MGAM: variants seen among roughly 807,000 people sequenced by gnomAD.
The protein encoded by MGAM is alpha-1,4-glucosidase.
In MGAM, 253 loss-of-function variants were observed where a neutral mutation model predicts 358.8. The observed-to-expected ratio is 0.71, with a 90% confidence interval of 0.64 to 0.78. The LOEUF (loss-of-function observed/expected upper bound fraction) is 0.78. MGAM is among the 30% of genes least tolerant of loss of function. The pLI is 0.00. For synonymous variants in MGAM, 1,105 were observed against 1,227.1 expected, an observed-to-expected ratio of 0.90 and a Z score of 2.08; for missense variants, 3,080 against 3,432.6, an observed-to-expected ratio of 0.90 and a Z score of 2.57.
At chr7:142,036,801 G>A (rs782265000) in intron 17 of MGAM, 22 bp from the exon 18 acceptor site, 3 of 1,610,126 alleles carry the variant, frequency 1.9e-6, no homozygotes, top group African/African-American at 1.3e-5. Context: ...AACCACAACT[G>A]CAAACTCCTA....
chr7:142,100,948 CT>C lies in MGAM; in HGVS notation c.7963+60del, dbSNP rs553714136. 3.2e-4 allele frequency: 457 copies of C among 1,440,112 alleles called. 1 individual carries two copies. The African/African-American group carries it at 5.9e-3, about 19-fold the overall frequency. The allele number at this position is 1,440,112 out of a possible 1,614,324, so 89.2% of individuals were successfully genotyped here. A position where few individuals can be genotyped will look rare whatever the true frequency, so the allele number is the denominator to read the frequency against. On this transcript the variant is annotated intron_variant, in intron 68 of 70. Coordinates refer to ENST00000475668, the MANE Select transcript of MGAM (RefSeq NM_001365693.1). ...GGCACTGACTACATTCCTGGATTAT[CT>C]TACAGGCCTGCTTTCACCTTTTCCC...
chr7:142,052,912 C>T lies in MGAM; in HGVS notation c.3087C>T (p.Ala1029=), dbSNP rs2129032678. Residue 1029 remains alanine (A), a synonymous_variant, in exon 26 of 71, where the codon GCC becomes GCT. Transcript: ENST00000475668. ...ISLKSSVYAN[A]FPSTPVNPLR... ...TAAAGTCTTCCGTTTATGCCAATGC[C>T]TTCCCCTCCACACCCGTGAACCCCC... 6 of 1,613,906 alleles carry T rather than the reference C, an allele frequency of 3.7e-6. No homozygotes were observed. Among genetic ancestry groups the T allele is most frequent in the Non-Finnish European group, 5.1e-6 (6 of 1,179,860 alleles).
At chr7:142,086,447 T>G in intron 56 of MGAM, 119 bp downstream of exon 56, 3 of 774,336 alleles carry the variant, frequency 3.9e-6, no homozygotes, top group Non-Finnish European at 5.9e-6. Context: ...GGTCAGAAGC[T>G]CTCCTTTTCT....
intron 31 of MGAM, 41 bp downstream of exon 31, chr7:142,058,369 C>G: frequency 6.2e-7 from 1 of 1,611,348 alleles, no homozygotes; most frequent in Admixed American, 1.7e-5. Flanking sequence ...AAAACTAACC[C>G]AGGTGCCTCT....
intron 3 of MGAM, among the ~76,000 whole-genome samples, chr7:142,014,636 C>G (rs1167920153): frequency 6.6e-6 from 1 of 152,088 alleles, no homozygotes; most frequent in Non-Finnish European, 1.5e-5. Context: ...AGTAACCACA[C>G]TTTTGAAATT....
Position 142,082,482 on chromosome 7 carries a change from A to C in MGAM, c.6179A>C (p.Lys2060Thr). 1 of 1,526,842 alleles carries C rather than the reference A, an allele frequency of 6.5e-7. No homozygotes were observed. The highest frequency in any genetic ancestry group is 9.0e-7 in the Non-Finnish European group (1 of 1,115,590). The allele number at this position is 1,526,842 out of a possible 1,614,324, so 94.6% of individuals were successfully genotyped here. A position where few individuals can be genotyped will look rare whatever the true frequency, so the allele number is the denominator to read the frequency against. The change falls in exon 52 of 71, where the codon AAG becomes ACG. Residue 2060 changes from lysine (K) to threonine (T), a missense_variant. By Grantham distance (78) the Lys-to-Thr change is moderately conservative. This residue lies in a region of MGAM where 932 missense variants were observed against 1,198.2 expected (regional missense o/e 0.78). Coordinates refer to ENST00000475668, the MANE Select transcript of MGAM (RefSeq NM_001365693.1). ...FSRDQPPGYKKNSYGVHPYYM... is the reference protein window; with the variant it reads ...FSRDQPPGYKTNSYGVHPYYM... The stretch of plus-strand genomic sequence containing the variant: ...CTCCCCATGACTCTCCAGTACAAGA[A>C]GAATTCCTATGGTGTCCACCCCTAC...
Position 142,062,720 on chromosome 7 carries a change from T to G in MGAM, c.4257+18T>G, listed in dbSNP as rs1292074934. 5 of 1,611,476 alleles carry G rather than the reference T, an allele frequency of 3.1e-6. No homozygotes were observed. Among genetic ancestry groups the G allele is most frequent in the East Asian group, 2.2e-5 (1 of 44,852 alleles). On this transcript the variant is annotated intron_variant, in intron 35 of 70. Transcript: ENST00000475668. Reference sequence around the variant, plus strand: ...TGTGGATTGTAAGTGTGTGTGTGTCTCTGTGTACCAGTGGCTCTTGTCTAT... The same window carrying G: ...TGTGGATTGTAAGTGTGTGTGTGTCGCTGTGTACCAGTGGCTCTTGTCTAT...
rs1314814059 is a variant in MGAM, at chr7:142,087,202, A to G, written c.6810+485A>G. On this transcript the variant is annotated intron_variant, in intron 57 of 70. Coordinates refer to ENST00000475668, the MANE Select transcript of MGAM (RefSeq NM_001365693.1). ...AACACGTTTCTCCCTTTCCACACTT[A>G]TAATTCCTCCTCTGAGCCCAATCCT... 1.0e-4 allele frequency among the ~76,000 whole-genome samples: 15 copies of G among 143,582 alleles called. 1 individual carries two copies. In the Admixed American group the frequency reaches 1.1e-3, roughly 10 times the overall value. The allele number at this position is 143,582 out of a possible 152,430, so 94.2% of individuals were successfully genotyped here. A position where few individuals can be genotyped will look rare whatever the true frequency, so the allele number is the denominator to read the frequency against.
At chr7:142,073,667 C>A (rs929396011) in intron 44 of MGAM, among the ~76,000 whole-genome samples, 1 of 146,106 alleles carries the variant, frequency 6.8e-6, no homozygotes, top group African/African-American at 2.4e-5. Flanking sequence ...TATAAATGGT[C>A]CTTAGGCAGG....
At position 142,034,826 on chromosome 7, in the gene MGAM, T is replaced by G; in HGVS notation, c.1944T>G (p.Leu648=). Residue 648 remains leucine (L), a synonymous_variant, in exon 16 of 71, where the codon CTT becomes CTG. Coordinates refer to ENST00000475668, the MANE Select transcript of MGAM (RefSeq NM_001365693.1). ...WSIPGVLEFN[L]FGIPMVGPDI... ...TCCCTGGCGTGCTTGAGTTCAACCT[T>G]TTTGGCATCCCAATGGTGAGCTGCT... is the stretch of plus-strand genomic sequence containing the variant. 2 of 1,612,262 alleles carry G rather than the reference T, an allele frequency of 1.2e-6. No individual in the cohort carries two copies. Among genetic ancestry groups the G allele is most frequent in the Non-Finnish European group, 1.7e-6 (2 of 1,178,760 alleles).
intron 3 of MGAM, among the ~76,000 whole-genome samples, chr7:142,011,260 C>A (rs540515601): frequency 7.2e-5 from 11 of 152,228 alleles, no homozygotes; most frequent in Middle Eastern, 3.4e-3. Flanking sequence ...ATGTATTACT[C>A]ATTTATTTGG....
rs529055340 is a variant in MGAM at position 142,062,472 on chromosome 7, A to G, written c.4123-96A>G. On this transcript the variant is annotated intron_variant, in intron 34 of 70. Transcript: ENST00000475668. ...CTGTTCAGGCTGTCTGTCACCATGCAGTTGAAGTATTTGTGTGAGTTGCAT... is the reference window on the plus strand; with the variant it reads ...CTGTTCAGGCTGTCTGTCACCATGCGGTTGAAGTATTTGTGTGAGTTGCAT... 8 of 1,469,710 alleles carry G rather than the reference A, an allele frequency of 5.4e-6. No homozygotes were observed. The East Asian group carries it at 1.2e-4, about 22-fold the overall frequency. The allele number at this position is 1,469,710 out of a possible 1,614,324, so 91.0% of individuals were successfully genotyped here.
upstream of MGAM, among the ~76,000 whole-genome samples, chr7:141,994,155 C>A (rs917270305): frequency 6.6e-6 from 1 of 152,168 alleles, no homozygotes; most frequent in East Asian, 1.9e-4. Flanking sequence ...GGATTACAGG[C>A]GTGAGCCACT....
chr7:142,042,837 T>C (rs1038518407), intron 21 of MGAM, among the ~76,000 whole-genome samples: 1 of 46,740 alleles, frequency 2.1e-5, no homozygotes, highest in African/African-American at 6.4e-5. Flanking sequence ...ATATCTATAT[T>C]ATATATACAT....
At position 142,071,303 on chromosome 7, in the gene MGAM, A is replaced by G. The variant is rs554533843; in HGVS notation, c.5186+185A>G. Among the ~76,000 whole-genome samples the G allele has an allele frequency of 6.3e-4, 92 of 146,744 alleles. 11 individuals carry two copies. In the South Asian group the frequency reaches 0.018, roughly 29 times the overall value. On this transcript the variant is annotated intron_variant, in intron 44 of 70. Coordinates refer to ENST00000475668, the MANE Select transcript of MGAM (RefSeq NM_001365693.1). ...CTCTATACTTTTTGTCTAATTATTAACAACTCTTTTAAGTCTAAGGGAGTG... is the reference window on the plus strand; with the variant it reads ...CTCTATACTTTTTGTCTAATTATTAGCAACTCTTTTAAGTCTAAGGGAGTG...
At chr7:142,097,180 G>C (rs1028099907) in intron 65 of MGAM, among the ~76,000 whole-genome samples, 1 of 151,776 alleles carries the variant, frequency 6.6e-6, no homozygotes, top group Admixed American at 6.6e-5. Context: ...CTCATGATCC[G>C]CCTGACTCGG....
Position 142,031,789 on chromosome 7 carries a change from G to C in MGAM, c.1580G>C (p.Trp527Ser). 1 of 1,589,774 alleles carries C rather than the reference G, an allele frequency of 6.3e-7. No homozygotes were observed. Among genetic ancestry groups the C allele is most frequent in the East Asian group, 2.2e-5 (1 of 44,712 alleles). Reference protein sequence around the residue: ...FHNQVEFDGIWIDMNEVSNFV... With the variant: ...FHNQVEFDGISIDMNEVSNFV... ...AATCAAGTAGAGTTTGATGGAATCT[G>C]GATTGTGAGTTGTTTACACTTGGAT... is the stretch of plus-strand genomic sequence containing the variant. The change falls in exon 13 of 71, where the codon TGG (tryptophan) becomes TCG (serine). Residue 527 changes from tryptophan (W) to serine (S), a missense_variant. Around this residue, in one of 5 missense-constraint regions of MGAM, gnomAD observed 1,816 missense variants for 1,840.5 expected, o/e 0.99. Transcript: ENST00000475668.
At position 142,076,207 on chromosome 7, in the gene MGAM, T is replaced by C. The variant is rs1219338286; in HGVS notation, c.5280T>C (p.Thr1760=). The C allele has an allele frequency of 1.3e-6, 2 of 1,546,346 alleles. No individual in the cohort carries two copies. Among genetic ancestry groups the C allele is most frequent in the African/African-American group, 1.3e-5 (1 of 74,580 alleles). Residue 1760 remains threonine, a synonymous_variant, in exon 46 of 71, where the codon ACT becomes ACC. Transcript: ENST00000475668. ...LFWDDGQTKD[T]VAKKVYLLCE... is the part of the protein sequence containing the mutation. ...TTGTCTTTCTGTCACTTTCAGATAC[T>C]GTGGCCAAGAAAGTATATCTTTTAT...
chr7:142,049,884 A>G (rs1810771904), intron 22 of MGAM, among the ~76,000 whole-genome samples: 1 of 152,214 alleles, frequency 6.6e-6, no homozygotes, highest in Admixed American at 6.5e-5. Context: ...GGAAAATAGT[A>G]TGCATGTTCC....
Sources: allele counts gnomAD v4.1 joint callset (sites outside exome capture counted in the v4.1 genomes callset), GRCh38; gene constraint gnomAD v4.1.1; regional missense constraint gnomAD v4.1.1; transcripts MANE v1.5; gene names NCBI Gene and HGNC (gene_info 2026-07-23, HGNC 2026-07-21).